Variants in GALNT13 observed in about 807,000 individuals in gnomAD.
GALNT13 encodes polypeptide N-acetylgalactosaminyltransferase 13.
In GALNT13, 28 loss-of-function variants were observed where a neutral mutation model predicts 64.2. The ratio of observed to expected loss-of-function variants is 0.44; its 90% CI spans 0.32 to 0.60. The LOEUF (loss-of-function observed/expected upper bound fraction) is 0.60. GALNT13 is among the 20% of genes least tolerant of loss of function. The probability of loss-of-function intolerance (pLI) is 0.05; values close to 1 mark genes in which losing one functional copy is unlikely to be tolerated. For missense variants in GALNT13, 577 were observed against 669.8 expected (o/e 0.86, Z 1.53); for synonymous variants, 214 against 224.6 (o/e 0.95, Z 0.42).
At chr2:153,333,163 A>C in the GALNT13 span, among the ~76,000 whole-genome samples, 1 of 152,202 alleles carries the variant, frequency 6.6e-6, no homozygotes, top group African/African-American at 2.4e-5. Context: ...CACCTACCAT[A>C]AAAATAATTT....
chr2:153,828,381 A>G, the GALNT13 span, among the ~76,000 whole-genome samples: 7 of 152,164 alleles, frequency 4.6e-5, no homozygotes, highest in African/African-American at 1.7e-4. Flanking sequence ...CATCCTCTGA[A>G]ATCTAGGTGG....
intron 8 of GALNT13, among the ~76,000 whole-genome samples, chr2:154,276,175 C>G (rs964310758): frequency 1.3e-5 from 2 of 151,648 alleles, no homozygotes; most frequent in African/African-American, 4.8e-5. Context: ...ATTGTGGATG[C>G]TTTTCTTTTC....
the GALNT13 span, among the ~76,000 whole-genome samples, chr2:153,422,874 A>G: frequency 1.3e-5 from 2 of 152,038 alleles, no homozygotes; most frequent in Non-Finnish European, 2.9e-5. Flanking sequence ...CAGCAAAACC[A>G]ACAATGACTG....
chr2:154,322,296 C>T (rs1254033352), intron 9 of GALNT13, among the ~76,000 whole-genome samples: 1 of 151,774 alleles, frequency 6.6e-6, no homozygotes, highest in East Asian at 1.9e-4. Context: ...TAACTAGCTT[C>T]TCCAATCCTT....
At chr2:153,076,932 T>C in the GALNT13 span, among the ~76,000 whole-genome samples, 4 of 151,630 alleles carry the variant, frequency 2.6e-5, no homozygotes, top group African/African-American at 4.8e-5. Flanking sequence ...CCATTGCCCT[T>C]TTATTTATTT....
At chr2:154,354,034 A>G (rs756751321) in intron 9 of GALNT13, among the ~76,000 whole-genome samples, 3 of 152,196 alleles carry the variant, frequency 2.0e-5, no homozygotes, top group African/African-American at 4.8e-5. Context: ...CCAACAGTGT[A>G]TAAGGGTTTT....
chr2:153,686,516 T>A, the GALNT13 span, among the ~76,000 whole-genome samples: 1 of 152,004 alleles, frequency 6.6e-6, no homozygotes, highest in Non-Finnish European at 1.5e-5. Context: ...GCTGAAGTTG[T>A]TTATCAGCTT....
At chr2:154,002,623 A>G (rs1695985419) in intron 3 of GALNT13, among the ~76,000 whole-genome samples, 1 of 152,024 alleles carries the variant, frequency 6.6e-6, no homozygotes, top group African/African-American at 2.4e-5. Context: ...TTTGTTAGAT[A>G]TGTTATAGAT....
the GALNT13 span, among the ~76,000 whole-genome samples, chr2:153,559,796 C>T: frequency 1.3e-5 from 2 of 152,010 alleles, no homozygotes; most frequent in African/African-American, 2.4e-5. Flanking sequence ...TGCTGTAGCT[C>T]TTCTGTCAAG....
At chr2:153,831,200 T>C in the GALNT13 span, among the ~76,000 whole-genome samples, 1 of 152,170 alleles carries the variant, frequency 6.6e-6, no homozygotes. Context: ...GTTTTTTCCT[T>C]CAAATTTCAG....
At chr2:154,082,243 A>T (rs536048128) in intron 3 of GALNT13, among the ~76,000 whole-genome samples, 1 of 151,790 alleles carries the variant, frequency 6.6e-6, no homozygotes, top group South Asian at 2.1e-4. Context: ...GAAAACAAAG[A>T]TACAATGGAG....
the GALNT13 span, among the ~76,000 whole-genome samples, chr2:153,162,431 C>A: frequency 6.6e-6 from 1 of 152,096 alleles, no homozygotes; most frequent in African/African-American, 2.4e-5. Context: ...CTATTCAAAC[C>A]CTGAAAATAT....
the GALNT13 span, among the ~76,000 whole-genome samples, chr2:153,426,252 GCTTA>G: frequency 6.6e-6 from 1 of 151,686 alleles, no homozygotes; most frequent in African/African-American, 2.4e-5. Flanking sequence ...CAATTTCATA[GCTTA>G]CTTTATGTGT....
the GALNT13 span, among the ~76,000 whole-genome samples, chr2:153,277,849 C>T: frequency 6.6e-6 from 1 of 151,026 alleles, no homozygotes; most frequent in South Asian, 2.1e-4. Flanking sequence ...CTGTTCTTTG[C>T]CCATTTTTAA....
intron 8 of GALNT13, among the ~76,000 whole-genome samples, chr2:154,283,309 T>C (rs1023254145): frequency 2.0e-5 from 3 of 152,140 alleles, no homozygotes; most frequent in African/African-American, 4.8e-5. Context: ...TTTACCAAAA[T>C]TGAGAAAATA....
chr2:153,071,468 A>C, the GALNT13 span, among the ~76,000 whole-genome samples: 2 of 152,224 alleles, frequency 1.3e-5, no homozygotes, highest in African/African-American at 4.8e-5. Context: ...CAAGCATTGC[A>C]CACACAAACC....
the GALNT13 span, among the ~76,000 whole-genome samples, chr2:153,664,271 A>G: frequency 6.6e-6 from 1 of 152,172 alleles, no homozygotes; most frequent in Non-Finnish European, 1.5e-5. Flanking sequence ...CTGGGAATGC[A>G]TTCCTTCCCC....
the GALNT13 span, among the ~76,000 whole-genome samples, chr2:153,361,217 G>A: frequency 6.6e-6 from 1 of 152,150 alleles, no homozygotes; most frequent in East Asian, 1.9e-4. Flanking sequence ...CCGAGGGTCA[G>A]CAGCCTCAGA....
At chr2:154,166,294 G>T (rs966800616) in intron 4 of GALNT13, among the ~76,000 whole-genome samples, 3 of 152,052 alleles carry the variant, frequency 2.0e-5, no homozygotes, top group African/African-American at 7.2e-5. Flanking sequence ...AATCCTAGCT[G>T]CTCAGGAGGC....
Sources: allele counts gnomAD v4.1 joint callset (sites outside exome capture counted in the v4.1 genomes callset), GRCh38; gene constraint gnomAD v4.1.1; transcripts MANE v1.5; gene names NCBI Gene and HGNC (gene_info 2026-07-23, HGNC 2026-07-21).